ITGB5: variants seen among roughly 807,000 people sequenced by gnomAD.
ITGB5 encodes integrin subunit beta 5.
A neutral mutation model predicts 84.8 loss-of-function variants in ITGB5; 38 were observed. The observed-to-expected ratio is 0.45, with a 90% CI of 0.35 to 0.59. ITGB5 has a LOEUF of 0.59. Ranked by LOEUF, ITGB5 falls within the 20% of genes least tolerant of loss-of-function variation. The pLI is 0.01. For missense variants in ITGB5, 905 were observed against 1,034.5 expected (o/e 0.87, Z 1.72); for synonymous variants, 393 against 414.4 (o/e 0.95, Z 0.63).
rs757581313 is a variant in ITGB5 at position 124,773,753 on chromosome 3, G to A, written c.1853C>T (p.Pro618Leu). 18 of 1,612,966 alleles carry A rather than the reference G, an allele frequency of 1.1e-5. No homozygotes were observed. The highest frequency in any genetic ancestry group is 3.3e-5 in the Admixed American group (2 of 60,028). Residue 618 changes from proline (P) to leucine (L), a missense_variant, in exon 11 of 15, where the codon CCG becomes CTG. This residue lies in a region of ITGB5 where 116 missense variants were observed against 177.0 expected (regional missense o/e 0.66). Transcript: ENST00000296181. ...CTCACACATCTCCCCAAAGGCCCCC[G>A]GCTCCGTGCATTGGCACTGCCCACA... is the stretch of plus-strand genomic sequence containing the variant. ...CLCGQCQCTE[P>L]GAFGEMCEKC...
chr3:124,849,680 G>C (rs1010044752), intron 3 of ITGB5, among the ~76,000 whole-genome samples: 1 of 152,116 alleles, frequency 6.6e-6, no homozygotes. Flanking sequence ...GAGAAAAGGG[G>C]AATTAATTCA....
At chr3:124,767,239 C>A (rs2063780279) in intron 12 of ITGB5, among the ~76,000 whole-genome samples, 1 of 152,198 alleles carries the variant, frequency 6.6e-6, no homozygotes, top group African/African-American at 2.4e-5. Flanking sequence ...CCAGCTCTTG[C>A]CTTTTTAACC....
At chr3:124,771,338 T>G (rs964519971) in intron 11 of ITGB5, among the ~76,000 whole-genome samples, 1 of 151,768 alleles carries the variant, frequency 6.6e-6, no homozygotes, top group Admixed American at 6.6e-5. Flanking sequence ...AAGCAGCAAG[T>G]AGAAAAAACA....
chr3:124,829,220 A>G (rs891861733), intron 5 of ITGB5, among the ~76,000 whole-genome samples: 5 of 152,136 alleles, frequency 3.3e-5, no homozygotes, highest in African/African-American at 1.2e-4. Flanking sequence ...TCTTTTTATA[A>G]ATAGTTTTTA....
At chr3:124,783,380 C>G (rs6791330) in intron 10 of ITGB5, among the ~76,000 whole-genome samples, 4,113 of 151,402 alleles carry the variant, frequency 0.027, 200 homozygotes, top group African/African-American at 0.094. Flanking sequence ...AGTTAAGAGA[C>G]GTAGGTATAG....
intron 8 of ITGB5, 26 bp downstream of exon 8, chr3:124,817,595 A>C: frequency 8.0e-7 from 1 of 1,255,072 alleles, no homozygotes; most frequent in Non-Finnish European, 1.1e-6. Context: ...GGGAGGTGGC[A>C]GTGGGGGAAG....
chr3:124,878,723 A>G (rs563274072), intron 1 of ITGB5: 11 of 152,250 alleles, frequency 7.2e-5, no homozygotes, highest in African/African-American at 2.6e-4. Flanking sequence ...TCCCTTTGGC[A>G]TCTCTCCTCT....
chr3:124,787,980 T>A (rs994290841), intron 10 of ITGB5, among the ~76,000 whole-genome samples: 1 of 151,074 alleles, frequency 6.6e-6, no homozygotes, highest in South Asian at 2.1e-4. Flanking sequence ...TGATCTCTGC[T>A]CACTGCAACC....
intron 1 of ITGB5, among the ~76,000 whole-genome samples, chr3:124,873,757 C>T (rs1229884234): frequency 6.6e-6 from 1 of 152,146 alleles, no homozygotes; most frequent in Non-Finnish European, 1.5e-5. Context: ...ACTTCCATTT[C>T]TTCTGCTAGA....
chr3:124,817,486 A>G (rs991275438), intron 8 of ITGB5, 135 bp downstream of exon 8: 13 of 565,208 alleles, frequency 2.3e-5, no homozygotes, highest in Non-Finnish European at 1.2e-5. Flanking sequence ...GAAGATACCA[A>G]ACTCAAGGGG....
chr3:124,861,495 T>TATATATATATATATAC (rs750712591), intron 2 of ITGB5, among the ~76,000 whole-genome samples: 24 of 112,012 alleles, frequency 2.1e-4, no homozygotes, highest in South Asian at 6.2e-4. Context: ...TATATATATA[T>TATATATATATATATAC]ACACACACAC....
At chr3:124,837,174 A>T (rs187339015) in intron 5 of ITGB5, among the ~76,000 whole-genome samples, 9 of 152,368 alleles carry the variant, frequency 5.9e-5, no homozygotes, top group Non-Finnish European at 1.2e-4. Context: ...CAGAGCTTCC[A>T]GGCAACTGCT....
intron 5 of ITGB5, among the ~76,000 whole-genome samples, chr3:124,830,448 G>A (rs552677623): frequency 2.0e-4 from 30 of 152,174 alleles, no homozygotes; most frequent in Non-Finnish European, 3.7e-4. Context: ...CAGCTTAGAG[G>A]GTGCACTGCT....
At chr3:124,778,033 A>T (rs954764815) in intron 10 of ITGB5, among the ~76,000 whole-genome samples, 4 of 152,162 alleles carry the variant, frequency 2.6e-5, no homozygotes, top group African/African-American at 9.6e-5. Flanking sequence ...TGGGAACAAC[A>T]TCCTGGCGGA....
chr3:124,885,335 T>C (rs984571334), intron 1 of ITGB5, among the ~76,000 whole-genome samples: 17 of 152,140 alleles, frequency 1.1e-4, no homozygotes, highest in African/African-American at 3.9e-4. Context: ...AATTACAGAA[T>C]GTCAAGCTGG....
chr3:124,783,018 T>C (rs1207682298), intron 10 of ITGB5, among the ~76,000 whole-genome samples: 6 of 151,612 alleles, frequency 4.0e-5, no homozygotes, highest in Non-Finnish European at 8.8e-5. Flanking sequence ...AGGCCGGGCA[T>C]GGTGGCTCAC....
chr3:124,818,800 C>G (rs2064651111), intron 7 of ITGB5, among the ~76,000 whole-genome samples: 1 of 152,186 alleles, frequency 6.6e-6, no homozygotes, highest in Non-Finnish European at 1.5e-5. Context: ...ATATAAGTGG[C>G]ATTTTATCAG....
At chr3:124,887,817 C>T (rs1286480941), upstream of ITGB5, 4 of 302,048 alleles carry the variant, frequency 1.3e-5, no homozygotes, top group South Asian at 7.5e-5. Flanking sequence ...TGAGATGGGA[C>T]GTAGACGCCC....
At chr3:124,829,925 C>G (rs2064835857) in intron 5 of ITGB5, among the ~76,000 whole-genome samples, 1 of 152,186 alleles carries the variant, frequency 6.6e-6, no homozygotes, top group Non-Finnish European at 1.5e-5. Context: ...ACCTCACTCT[C>G]AGTCATCCAT....
Sources: allele counts gnomAD v4.1 joint callset (sites outside exome capture counted in the v4.1 genomes callset), GRCh38; gene constraint gnomAD v4.1.1; regional missense constraint gnomAD v4.1.1; transcripts MANE v1.5; gene names NCBI Gene and HGNC (gene_info 2026-07-23, HGNC 2026-07-21).